TMEM134: variants seen among roughly 807,000 people sequenced by gnomAD.
TMEM134 encodes the protein transmembrane protein 134.
A neutral mutation model predicts 26.2 loss-of-function variants in TMEM134; 36 were observed. The ratio of observed to expected loss-of-function variants is 1.37; its 90% CI spans 1.05 to 1.81. The LOEUF is 1.81. Among genes scored for constraint, TMEM134 ranks in the 40% most tolerant of loss-of-function variants. The pLI, the probability that TMEM134 is intolerant of heterozygous loss-of-function variation, is 0.00. For missense variants in TMEM134, 339 were observed against 263.5 expected, an observed-to-expected ratio of 1.29 and a Z score of -1.98; for synonymous variants, 133 against 113.6, an observed-to-expected ratio of 1.17 and a Z score of -1.08.
In TMEM134 at chr11:67,462,189, AAAC is replaced by A. The variant is rs1865037213; in HGVS notation, c.*2422_*2424del. Reference sequence around the variant, plus strand: ...CTCAAAAAAAAAACAAAAAAAAAAAAAACAAGGAGTAAAAAGTTGTTAGCTGCG... The same window carrying A: ...CTCAAAAAAAAAACAAAAAAAAAAAAAAGGAGTAAAAAGTTGTTAGCTGCG... On this transcript the variant is annotated 3_prime_UTR_variant, in exon 7 of 7. Coordinates refer to ENST00000308022, the MANE Select transcript of TMEM134 (RefSeq NM_025124.4). 6.6e-6 allele frequency: 1 copy of A among 151,796 alleles called. No homozygotes were observed. The highest frequency in any genetic ancestry group is 1.5e-5 in the Non-Finnish European group (1 of 67,962). 9.4% of individuals were successfully genotyped at this position (151,796 alleles called of 1,614,324 possible). A position where few individuals can be genotyped will look rare whatever the true frequency, so the allele number is the denominator to read the frequency against.
At chr11:67,467,835 G>T in intron 2 of TMEM134, 193 bp downstream of exon 2, 1 of 663,004 alleles carries the variant, frequency 1.5e-6, no homozygotes, top group Non-Finnish European at 2.6e-6. Flanking sequence ...TCTGAAAGAG[G>T]TGAGTACAGC....
intron 6 of TMEM134, 41 bp downstream of exon 6, chr11:67,464,762 C>A: frequency 1.3e-6 from 2 of 1,554,210 alleles, no homozygotes; most frequent in Non-Finnish European, 1.7e-6. Flanking sequence ...CCAGTGCCGC[C>A]CCACAGCCCC....
intron 4 of TMEM134, chr11:67,465,957 T>C (rs1865220370): frequency 6.6e-6 from 1 of 152,160 alleles, no homozygotes; most frequent in Non-Finnish European, 1.5e-5. Context: ...TACATGCCTG[T>C]AGTCCCAGCT....
intron 2 of TMEM134, 39 bp downstream of exon 2, chr11:67,467,989 G>C (rs1865384403): frequency 6.5e-7 from 1 of 1,543,934 alleles, no homozygotes; most frequent in Admixed American, 2.0e-5. Flanking sequence ...ATAGGAGCTG[G>C]GGCTGGGGTA....
At position 67,464,455 on chromosome 11, in the gene TMEM134, T is replaced by C. The variant is rs946908810; in HGVS notation, c.*159A>G. The C allele has an allele frequency of 7.0e-6, 5 of 717,754 alleles. No homozygotes were observed. The highest frequency in any genetic ancestry group is 1.2e-5 in the Non-Finnish European group (5 of 423,234). The allele number at this position is 717,754 out of a possible 1,614,324, so 44.5% of individuals were successfully genotyped here. Reference sequence around the variant, plus strand: ...GGCACAGAGCAGGCGACGGGCGGCTTTCCCAGGGCCAGGCCTGCATGCCCC... The same window carrying C: ...GGCACAGAGCAGGCGACGGGCGGCTCTCCCAGGGCCAGGCCTGCATGCCCC... On this transcript the variant is annotated 3_prime_UTR_variant, in exon 7 of 7. Transcript: ENST00000308022.
chr11:67,464,752 C>G, intron 6 of TMEM134, 51 bp downstream of exon 6: 1 of 1,550,406 alleles, frequency 6.4e-7, no homozygotes, highest in African/African-American at 1.4e-5. Context: ...AACACCGCCC[C>G]CAGTGCCGCC....
intron 4 of TMEM134, 80 bp downstream of exon 4, chr11:67,467,232 G>A (rs1865309807): frequency 2.9e-6 from 4 of 1,374,058 alleles, no homozygotes; most frequent in East Asian, 4.6e-5. Flanking sequence ...TCAGTGTCAA[G>A]GGGGAGGCAG....
At position 67,464,834 on chromosome 11, in the gene TMEM134, G is replaced by A. The variant is rs747617388; in HGVS notation, c.474C>T (p.Phe158=). 1.2e-6 allele frequency: 2 copies of A among 1,610,378 alleles called. No individual in the cohort carries two copies. Among genetic ancestry groups the A allele is most frequent in the Non-Finnish European group, 1.7e-6 (2 of 1,179,648 alleles). ...GCACCAACAACAGGAAGCCCGGCAC[G>A]AAGAAGATGGCGCTGGAGACACCTG... The part of the protein sequence containing the change: ...PSPGVSSAIF[F]VPGFLLLVPG... Residue 158 remains phenylalanine (F), a synonymous_variant, in exon 6 of 7, where the codon TTC becomes TTT. Transcript: ENST00000308022.
rs1429040575 is a variant in TMEM134 at position 67,469,198 on chromosome 11, C to T, written c.-6G>A. The T allele has an allele frequency of 2.3e-6, 3 of 1,292,520 alleles. No individual in the cohort carries two copies. The highest frequency in any genetic ancestry group is 2.0e-6 in the Non-Finnish European group (2 of 1,014,822). 80.1% of individuals were successfully genotyped at this position (1,292,520 alleles called of 1,614,324 possible). A position where few individuals can be genotyped will look rare whatever the true frequency, so the allele number is the denominator to read the frequency against. On this transcript the variant is annotated 5_prime_UTR_variant, in exon 1 of 7. Transcript: ENST00000308022. The stretch of plus-strand genomic sequence containing the variant: ...TGGGGCCGGGCGGCGCTCATGGCCC[C>T]GGCCCGCTCAGGCGCCGTGCGCCGC...
chr11:67,467,865 A>T (rs1865373068), intron 2 of TMEM134, 163 bp downstream of exon 2: 2 of 716,678 alleles, frequency 2.8e-6, no homozygotes, highest in African/African-American at 1.8e-5. Context: ...GGGTAGGGTG[A>T]CCCTACAGTG....
chr11:67,467,031 G>T, intron 4 of TMEM134: 2 of 515,420 alleles, frequency 3.9e-6, no homozygotes, highest in Non-Finnish European at 7.0e-6. Context: ...CTACTCTTCT[G>T]TCCTCTAATG....
rs767810444 is a variant in TMEM134 at position 67,469,063 on chromosome 11, A to G, written c.130T>C (p.Phe44Leu). ...TGCTTGTCCTCGTCAGCCACCTCGA[A>G]CCGGGCCCGACGCTCGAAGTGCAGC... is the stretch of plus-strand genomic sequence containing the variant. ...GPLHFERRAR[F>L]EVADEDKQSR... The change falls in exon 1 of 7, where the codon TTC becomes CTC. Residue 44 changes from phenylalanine (F) to leucine (L), a missense_variant. By Grantham distance (22) the Phe-to-Leu change is conservative (BLOSUM62 0). Coordinates refer to ENST00000308022, the MANE Select transcript of TMEM134 (RefSeq NM_025124.4). 8 of 1,515,238 alleles carry G rather than the reference A, an allele frequency of 5.3e-6. No individual in the cohort carries two copies. The South Asian group carries it at 8.5e-5, about 16-fold the overall frequency. The allele number at this position is 1,515,238 out of a possible 1,614,324, so 93.9% of individuals were successfully genotyped here.
At chr11:67,467,852 C>CT in intron 2 of TMEM134, 176 bp downstream of exon 2, 1 of 686,726 alleles carries the variant, frequency 1.5e-6, no homozygotes, top group Non-Finnish European at 2.5e-6. Flanking sequence ...CAGCTGGGCA[C>CT]TAGGGTAGGG....
chr11:67,464,622 C>T lies in TMEM134; in HGVS notation c.580G>A (p.Glu194Lys), dbSNP rs1452075916. Residue 194 changes from glutamate (E) to lysine (K), a missense_variant, in exon 7 of 7, where the codon GAG becomes AAG. Glu to Lys is a moderately conservative substitution (Grantham distance 56, BLOSUM62 1). Transcript: ENST00000308022. ...GFQFFYLPYF[E>K]K ...TCCACGCTGCGCCGCGATCACTTCT[C>T]GAAGTAGGGCAGGTAGAAGAACTGG... is the stretch of plus-strand genomic sequence containing the variant. 5 of 1,552,362 alleles carry T rather than the reference C, an allele frequency of 3.2e-6. No homozygotes were observed. The highest frequency in any genetic ancestry group is 2.0e-5 in the Admixed American group (1 of 51,100).
At chr11:67,467,683 G>A in intron 2 of TMEM134, 93 bp from the exon 3 acceptor site, 1 of 1,286,298 alleles carries the variant, frequency 7.8e-7, no homozygotes, top group Non-Finnish European at 1.1e-6. Context: ...ATGGTGCAGG[G>A]ACTGGGGCTG....
At chr11:67,468,236 C>T (rs540236755) in intron 1 of TMEM134, 144 bp from the exon 2 acceptor site, 8 of 736,312 alleles carry the variant, frequency 1.1e-5, no homozygotes, top group African/African-American at 8.8e-5. Context: ...CCCCGCAGAA[C>T]GGGTTTGGTG....
chr11:67,468,653 CAG>C (rs1390723836), intron 1 of TMEM134, among the ~76,000 whole-genome samples: 1 of 152,184 alleles, frequency 6.6e-6, no homozygotes, highest in African/African-American at 2.4e-5. Flanking sequence ...GCCTGGGGCA[CAG>C]GGGATGCTCC....
Position 67,464,650 on chromosome 11 carries a change from G to A in TMEM134, c.552C>T (p.Gly184=), listed in dbSNP as rs1387855552. ...AGTAGGGCAGGTAGAAGAACTGGAA[G>A]CCCCGGTGGCCCTTGACCGCGCAGT... is the stretch of plus-strand genomic sequence containing the variant. ...FIYCAVKGHR[G]FQFFYLPYFE... The change falls in exon 7 of 7, where the codon GGC becomes GGT. Residue 184 remains glycine (G), a synonymous_variant. Transcript: ENST00000308022. 5.1e-6 allele frequency: 8 copies of A among 1,553,718 alleles called. No homozygotes were observed. The highest frequency in any genetic ancestry group is 6.1e-6 in the Non-Finnish European group (7 of 1,148,008).
chr11:67,464,500 C>G lies in TMEM134; in HGVS notation c.*114G>C, dbSNP rs1865110640. 5 of 1,152,458 alleles carry G rather than the reference C, an allele frequency of 4.3e-6. No individual in the cohort carries two copies. The highest frequency in any genetic ancestry group is 4.4e-5 in the Admixed American group (2 of 45,760). 71.4% of individuals were successfully genotyped at this position (1,152,458 alleles called of 1,614,324 possible). A position where few individuals can be genotyped will look rare whatever the true frequency, so the allele number is the denominator to read the frequency against. On this transcript the variant is annotated 3_prime_UTR_variant, in exon 7 of 7. Transcript: ENST00000308022. ...TGCCCCGAACTTCCTGAGCAAACTC[C>G]CTAGGGGCTGGGGTTTCGAGGGTCC... is the stretch of plus-strand genomic sequence containing the variant.
Sources: gnomAD v4.1 joint callset for allele counts (sites outside exome capture counted in the v4.1 genomes callset) on GRCh38, gnomAD v4.1.1 for gene constraint, MANE v1.5 for transcripts, NCBI Gene and HGNC (gene_info 2026-07-23, HGNC 2026-07-21) for gene names.